The following ARB2A variants were observed in gnomAD, a reference collection of about 807,000 sequenced individuals.
ARB2A encodes cotranscriptional regulator ARB2A.
the ARB2A span, among the ~76,000 whole-genome samples, chr5:94,022,232 A>G: frequency 6.6e-6 from 1 of 152,166 alleles, no homozygotes; most frequent in African/African-American, 2.4e-5. Flanking sequence ...TCCAGAATCA[A>G]AGGATGATTG....
At chr5:93,707,048 T>C in the ARB2A span, among the ~76,000 whole-genome samples, 1 of 152,160 alleles carries the variant, frequency 6.6e-6, no homozygotes, top group Admixed American at 6.5e-5. Flanking sequence ...AAGTGGGAAA[T>C]TAATCATCTG....
chr5:93,934,729 G>A, the ARB2A span, among the ~76,000 whole-genome samples: 1 of 152,302 alleles, frequency 6.6e-6, no homozygotes, highest in East Asian at 1.9e-4. Context: ...CAGCCACTTT[G>A]TAACCAGGAG....
At chr5:93,740,846 T>A in the ARB2A span, 1 of 1,613,896 alleles carries the variant, frequency 6.2e-7, no homozygotes, top group Admixed American at 1.7e-5. Context: ...ATGTGGCTGA[T>A]TTGCTGGGGT....
At chr5:93,890,820 C>T in the ARB2A span, among the ~76,000 whole-genome samples, 1 of 152,184 alleles carries the variant, frequency 6.6e-6, no homozygotes, top group East Asian at 1.9e-4. Flanking sequence ...TGCTAGCTTA[C>T]ACTGGTTCGT....
the ARB2A span, among the ~76,000 whole-genome samples, chr5:93,848,012 T>C: frequency 6.6e-6 from 1 of 152,244 alleles, no homozygotes; most frequent in South Asian, 2.1e-4. Context: ...CCTCAAAGAG[T>C]TATAACACAC....
At chr5:93,670,886 C>T in the ARB2A span, among the ~76,000 whole-genome samples, 1 of 152,132 alleles carries the variant, frequency 6.6e-6, no homozygotes, top group Non-Finnish European at 1.5e-5. Flanking sequence ...TACAATTGTA[C>T]TATTTAAAAT....
chr5:94,023,218 C>A, the ARB2A span, among the ~76,000 whole-genome samples: 1 of 152,196 alleles, frequency 6.6e-6, no homozygotes, highest in Non-Finnish European at 1.5e-5. Flanking sequence ...CCCACAAGTT[C>A]TATATCTGTG....
At chr5:93,856,948 A>AT in the ARB2A span, among the ~76,000 whole-genome samples, 1 of 151,886 alleles carries the variant, frequency 6.6e-6, no homozygotes, top group Non-Finnish European at 1.5e-5. Flanking sequence ...GGTGATGTAC[A>AT]GATGGGTTCT....
chr5:93,782,503 A>G, the ARB2A span, among the ~76,000 whole-genome samples: 12 of 152,292 alleles, frequency 7.9e-5, no homozygotes, highest in Non-Finnish European at 1.6e-4. Flanking sequence ...GTTCTGAATT[A>G]CTTCCAGTAT....
the ARB2A span, chr5:94,074,841 T>C: frequency 4.9e-5 from 48 of 985,690 alleles, no homozygotes; most frequent in African/African-American, 5.7e-4. Context: ...TCCTTGATCC[T>C]CCCAGTCAGG....
the ARB2A span, among the ~76,000 whole-genome samples, chr5:93,830,193 T>TGA: frequency 1.3e-5 from 2 of 151,300 alleles, no homozygotes; most frequent in African/African-American, 4.9e-5. Flanking sequence ...TTCCACCTAT[T>TGA]GATGGTTGGC....
chr5:93,952,545 G>A, the ARB2A span, among the ~76,000 whole-genome samples: 2 of 152,128 alleles, frequency 1.3e-5, no homozygotes, highest in Non-Finnish European at 2.9e-5. Context: ...AGAAGTATTG[G>A]AGCTCCATCG....
At chr5:94,083,698 T>A in the ARB2A span, among the ~76,000 whole-genome samples, 1 of 151,964 alleles carries the variant, frequency 6.6e-6, no homozygotes, top group Non-Finnish European at 1.5e-5. Context: ...TTCTATCCAA[T>A]GCAGTAGGAC....
chr5:93,914,248 G>T, the ARB2A span, among the ~76,000 whole-genome samples: 1 of 151,942 alleles, frequency 6.6e-6, no homozygotes, highest in Non-Finnish European at 1.5e-5. Flanking sequence ...AGAGCTATGA[G>T]TACTCCATAT....
At chr5:93,774,310 G>C in the ARB2A span, among the ~76,000 whole-genome samples, 1 of 152,228 alleles carries the variant, frequency 6.6e-6, no homozygotes. Flanking sequence ...GAAAGGAAGA[G>C]TTGCATATCT....
chr5:93,683,719 G>A, the ARB2A span: 15 of 1,610,726 alleles, frequency 9.3e-6, no homozygotes, highest in African/African-American at 1.3e-5. Flanking sequence ...ATCTTCCATC[G>A]GGTGGCGGCA....
At chr5:93,811,868 A>G in the ARB2A span, among the ~76,000 whole-genome samples, 1 of 152,112 alleles carries the variant, frequency 6.6e-6, no homozygotes, top group Non-Finnish European at 1.5e-5. Flanking sequence ...TCCTAGTTCT[A>G]TTTTAAAAGT....
chr5:94,068,263 T>C, the ARB2A span, among the ~76,000 whole-genome samples: 1 of 152,214 alleles, frequency 6.6e-6, no homozygotes, highest in African/African-American at 2.4e-5. Flanking sequence ...ACCTGGGCAC[T>C]TAGCCATGCA....
chr5:93,791,918 T>C, the ARB2A span, among the ~76,000 whole-genome samples: 1 of 150,838 alleles, frequency 6.6e-6, no homozygotes, highest in Non-Finnish European at 1.5e-5. Flanking sequence ...ATGTGTAAGA[T>C]AGGTTTAAAA....
Sources: gnomAD v4.1 joint callset for allele counts (sites outside exome capture counted in the v4.1 genomes callset) on GRCh38, gnomAD v4.1.1 for gene constraint, MANE v1.5 for transcripts, NCBI Gene and HGNC (gene_info 2026-07-23, HGNC 2026-07-21) for gene names.